The following ZNF536 variants were observed in gnomAD, a reference collection of about 807,000 sequenced individuals.
ZNF536 encodes the protein zinc finger protein 536.
ZNF536 carries 13 observed loss-of-function variants against 84.5 expected under a neutral mutation model. The ratio of observed to expected loss-of-function variants is 0.15; its 90% CI spans 0.10 to 0.24. ZNF536 has a LOEUF of 0.24. ZNF536 is among the 10% of genes least tolerant of loss of function. ZNF536 has a pLI of 1.00. For synonymous variants in ZNF536, 811 were observed against 742.5 expected (o/e 1.09, Z -1.50); for missense variants, 1,536 against 1,747.5 (o/e 0.88, Z 2.16).
At chr19:30,308,169 G>T (rs1600161716) in intron 2 of ZNF536, among the ~76,000 whole-genome samples, 1 of 152,156 alleles carries the variant, frequency 6.6e-6, no homozygotes, top group East Asian at 1.9e-4. Flanking sequence ...AGAACCAAGA[G>T]CAGAATCCAG....
intron 1 of ZNF536, among the ~76,000 whole-genome samples, chr19:30,428,572 TG>T (rs1338219794): frequency 6.0e-5 from 9 of 151,184 alleles, no homozygotes; most frequent in South Asian, 2.1e-4. Flanking sequence ...GCTTGCAGCT[TG>T]GGTAGGTGAT....
At chr19:30,532,583 A>G (rs2044883830) in intron 2 of ZNF536, among the ~76,000 whole-genome samples, 1 of 151,986 alleles carries the variant, frequency 6.6e-6, no homozygotes, top group Non-Finnish European at 1.5e-5. Flanking sequence ...GCACTTGGGC[A>G]GAATTTTAAT....
At position 30,595,030 on chromosome 19, in the gene ZNF536, C is replaced by T. The variant is rs2047409833; in HGVS notation, c.169+45516C>T. On this transcript the variant is annotated intron_variant, in intron 1 of 1. Transcript: ENST00000592773. ...GCTTGGGCAGGAGGGACCCAAGGTG[C>T]AGGTGGCTGCAGTGGGCACCGCACA... Among the ~76,000 whole-genome samples, 4 of 152,064 alleles carry T rather than the reference C, an allele frequency of 2.6e-5. No individual in the cohort carries two copies. The South Asian group carries it at 8.3e-4, about 32-fold the overall frequency.
intron 1 of ZNF536, among the ~76,000 whole-genome samples, chr19:30,679,978 C>A (rs2050900706): frequency 6.6e-6 from 1 of 151,980 alleles, no homozygotes; most frequent in Admixed American, 6.6e-5. Flanking sequence ...GGGCCTCTGT[C>A]TCCACTGTAC....
intron 1 of ZNF536, among the ~76,000 whole-genome samples, chr19:30,570,231 G>A (rs570131685): frequency 6.6e-6 from 1 of 152,110 alleles, no homozygotes. Flanking sequence ...GGCATTTGGC[G>A]TGCCCCCTGG....
intron 1 of ZNF536, among the ~76,000 whole-genome samples, chr19:30,687,835 A>AT (rs112998839): frequency 0.18 from 27,497 of 151,872 alleles, 2,533 homozygotes; most frequent in South Asian, 0.22. Flanking sequence ...TGACCTTTGG[A>AT]TTTTTTTAAA....
chr19:30,370,202 C>A (rs1444277664), upstream of ZNF536, among the ~76,000 whole-genome samples: 1 of 152,190 alleles, frequency 6.6e-6, no homozygotes, highest in East Asian at 1.9e-4. Context: ...TTTCTGTGTT[C>A]TGTAGCAATG....
At chr19:30,661,499 G>T (rs1042819757) in intron 1 of ZNF536, among the ~76,000 whole-genome samples, 1 of 152,012 alleles carries the variant, frequency 6.6e-6, no homozygotes, top group Non-Finnish European at 1.5e-5. Context: ...GCAAGCTTTT[G>T]GGGGGGCCAA....
intron 2 of ZNF536, among the ~76,000 whole-genome samples, chr19:30,522,543 C>T (rs1020934748): frequency 6.6e-6 from 1 of 151,904 alleles, no homozygotes; most frequent in Admixed American, 6.6e-5. Flanking sequence ...ATAGCAACCT[C>T]CTGATCACGT....
chr19:30,692,589 C>T (rs1281736019), intron 1 of ZNF536, among the ~76,000 whole-genome samples: 1 of 152,188 alleles, frequency 6.6e-6, no homozygotes, highest in African/African-American at 2.4e-5. Flanking sequence ...CCTGAAGGGC[C>T]AGAAACGGAA....
chr19:30,453,374 T>G (rs1235640855), intron 2 of ZNF536, among the ~76,000 whole-genome samples: 2 of 152,226 alleles, frequency 1.3e-5, no homozygotes, highest in Admixed American at 6.5e-5. Context: ...GAGCCAGGTC[T>G]GGTTTAGGTT....
intron 1 of ZNF536, among the ~76,000 whole-genome samples, chr19:30,575,484 A>T (rs535694969): frequency 5.3e-4 from 81 of 152,206 alleles, no homozygotes; most frequent in Non-Finnish European, 9.7e-4. Context: ...AGCGAGACTG[A>T]GGGAGTAGCG....
intron 1 of ZNF536, among the ~76,000 whole-genome samples, chr19:30,635,411 T>C (rs1397994124): frequency 6.6e-6 from 1 of 152,042 alleles, no homozygotes; most frequent in East Asian, 1.9e-4. Flanking sequence ...AGAGGGAGAG[T>C]GTGCAATTCA....
At chr19:30,663,910 A>G (rs2050210199) in intron 1 of ZNF536, among the ~76,000 whole-genome samples, 1 of 152,252 alleles carries the variant, frequency 6.6e-6, no homozygotes, top group Non-Finnish European at 1.5e-5. Context: ...AAGTAATGCC[A>G]TAATCCCCTC....
At chr19:30,542,021 T>G (rs2045352071) in intron 3 of ZNF536, among the ~76,000 whole-genome samples, 1 of 152,162 alleles carries the variant, frequency 6.6e-6, no homozygotes, top group Non-Finnish European at 1.5e-5. Flanking sequence ...AAGGACTAAA[T>G]AAATATCAAA....
chr19:30,384,098 CTCTTTCTTTCTTTCTTTCTTTCTTTCTT>C (rs749685060), intron 1 of ZNF536, among the ~76,000 whole-genome samples: 19 of 86,562 alleles, frequency 2.2e-4, no homozygotes, highest in African/African-American at 8.3e-4. Flanking sequence ...CCACCTCTTT[CTCTTTCTTTCTTTCTTTCTTTCTTTCTT>C]TCTTTCTTTC....
intron 1 of ZNF536, among the ~76,000 whole-genome samples, chr19:30,709,139 G>C (rs1047591144): frequency 6.6e-6 from 1 of 152,162 alleles, no homozygotes; most frequent in African/African-American, 2.4e-5. Context: ...TGGCTGTGAC[G>C]CATCAGGGTA....
chr19:30,468,097 C>T (rs369988038), intron 2 of ZNF536, among the ~76,000 whole-genome samples: 9 of 152,362 alleles, frequency 5.9e-5, no homozygotes, highest in African/African-American at 9.6e-5. Flanking sequence ...AGATACGCTG[C>T]GTGGTTTCTG....
chr19:30,472,813 A>G (rs757364401), intron 2 of ZNF536, among the ~76,000 whole-genome samples: 6 of 152,104 alleles, frequency 3.9e-5, no homozygotes, highest in South Asian at 4.2e-4. Context: ...GGAATGGTCT[A>G]TGTTGTCCAA....
Sources: gnomAD v4.1 joint callset for allele counts (sites outside exome capture counted in the v4.1 genomes callset) on GRCh38, gnomAD v4.1.1 for gene constraint, MANE v1.5 for transcripts, NCBI Gene and HGNC (gene_info 2026-07-23, HGNC 2026-07-21) for gene names.